The following EXOC1 variants were observed in gnomAD, a reference collection of about 807,000 sequenced individuals.
EXOC1 encodes the protein exocyst complex component 1.
Under a neutral mutation model 107.7 loss-of-function variants are expected in EXOC1, and 67 were observed. That is an observed-to-expected ratio of 0.62 (90% CI 0.51 to 0.76). The LOEUF (loss-of-function observed/expected upper bound fraction) is 0.76, where lower values mean the gene tolerates loss of function less well. EXOC1 is among the 30% of genes least tolerant of loss of function. The pLI is 0.00. For missense variants in EXOC1, 833 were observed against 1,055.7 expected, an observed-to-expected ratio of 0.79 and a Z score of 2.92; for synonymous variants, 348 against 353.5, an observed-to-expected ratio of 0.98 and a Z score of 0.17.
intron 10 of EXOC1, chr4:55,885,577 T>C (rs1723801064): frequency 6.6e-6 from 1 of 152,174 alleles, no homozygotes; most frequent in South Asian, 2.1e-4. Flanking sequence ...TTTGTGACAA[T>C]TGAGTGCATA....
intron 10 of EXOC1, among the ~76,000 whole-genome samples, chr4:55,886,909 A>G (rs1194070778): frequency 6.6e-6 from 1 of 152,166 alleles, no homozygotes; most frequent in Non-Finnish European, 1.5e-5. Context: ...TTTAACATCT[A>G]CTTAGCTGAA....
intron 16 of EXOC1, among the ~76,000 whole-genome samples, chr4:55,897,290 C>G (rs1313580039): frequency 6.6e-6 from 1 of 151,970 alleles, no homozygotes; most frequent in Non-Finnish European, 1.5e-5. Flanking sequence ...CCATGCCCTG[C>G]TAATTTTTTG....
intron 14 of EXOC1, 101 bp from the exon 15 acceptor site, chr4:55,893,451 G>A: frequency 1.0e-6 from 1 of 995,130 alleles, no homozygotes; most frequent in East Asian, 2.5e-5. Context: ...ATTTAATTAT[G>A]GTATTTTTGT....
intron 8 of EXOC1, among the ~76,000 whole-genome samples, chr4:55,874,832 C>T (rs924452041): frequency 2.0e-5 from 3 of 152,026 alleles, no homozygotes; most frequent in South Asian, 2.1e-4. Context: ...GGTCAGTTTA[C>T]ACTAATTAGG....
chr4:55,870,894 G>C lies in EXOC1; in HGVS notation c.820G>C (p.Glu274Gln). ...TAATGTAAAACTCCTATCTGAGATAGAGTTCCTTGTGGTAAGTATGATCAT... is the reference window on the plus strand; with the variant it reads ...TAATGTAAAACTCCTATCTGAGATACAGTTCCTTGTGGTAAGTATGATCAT... ...TNNVKLLSEI[E>Q]FLVNHMDLAK... Residue 274 changes from glutamate to glutamine, a missense_variant, in exon 6 of 19, where the codon GAG becomes CAG. By Grantham distance (29) the Glu-to-Gln change is conservative. This residue lies in a region of EXOC1 where 617 missense variants were observed against 701.3 expected (regional missense o/e 0.88). Transcript: ENST00000381295. The C allele has an allele frequency of 6.2e-7, 1 of 1,613,054 alleles. No individual in the cohort carries two copies. The highest frequency in any genetic ancestry group is 2.2e-5 in the East Asian group (1 of 44,814).
At chr4:55,892,209 A>G (rs1724639263) in intron 13 of EXOC1, among the ~76,000 whole-genome samples, 1 of 152,124 alleles carries the variant, frequency 6.6e-6, no homozygotes, top group African/African-American at 2.4e-5. Flanking sequence ...AGAATTTTTT[A>G]TAGCATTTTT....
Position 55,904,345 on chromosome 4 carries a change from G to C in EXOC1, c.2535G>C (p.Val845=). The C allele has an allele frequency of 6.3e-7, 1 of 1,596,122 alleles. No homozygotes were observed. The highest frequency in any genetic ancestry group is 1.1e-5 in the South Asian group (1 of 87,832). The change falls in exon 19 of 19, where the codon GTG becomes GTC. Residue 845 remains valine (V), a splice_region_variant and synonymous_variant. Transcript: ENST00000381295. ...HLCEEENLLQ[V]VWHSMQDEFI... ...ATGACTTTTTTTTTTAATAATAGGTGGTGTGGCACTCCATGCAAGATGAAT... is the reference window on the plus strand; with the variant it reads ...ATGACTTTTTTTTTTAATAATAGGTCGTGTGGCACTCCATGCAAGATGAAT...
At chr4:55,878,327 C>T (rs1723082918) in intron 9 of EXOC1, among the ~76,000 whole-genome samples, 2 of 152,122 alleles carry the variant, frequency 1.3e-5, no homozygotes. Flanking sequence ...ATGCTTATTT[C>T]CTGAGTTTCT....
chr4:55,866,090 C>T (rs543970613), intron 4 of EXOC1, among the ~76,000 whole-genome samples: 12 of 152,044 alleles, frequency 7.9e-5, no homozygotes, highest in Non-Finnish European at 1.6e-4. Context: ...AAAAAAATGT[C>T]TCTAAGTTTT....
intron 10 of EXOC1, 91 bp downstream of exon 10, chr4:55,884,019 G>A: frequency 2.3e-6 from 2 of 883,540 alleles, no homozygotes; most frequent in South Asian, 3.5e-5. Context: ...CAAGGTGGAG[G>A]TAGATCCAGC....
rs372812327 is a variant in EXOC1, at chr4:55,892,654, A to G, written c.1667A>G (p.Asp556Gly). ...TTGCAGGCTGAAGCAGAGGACCTGGATGGAGGAACATTATCACGGCAACAT... is the reference window on the plus strand; with the variant it reads ...TTGCAGGCTGAAGCAGAGGACCTGGGTGGAGGAACATTATCACGGCAACAT... ...PGTMAEAEDL[D>G]GGTLSRQHNC... Residue 556 changes from aspartate to glycine, a missense_variant, in exon 14 of 19, where the codon GAT becomes GGT. Physicochemically the swap from Asp to Gly is moderately conservative, Grantham distance 94 (BLOSUM62 -1). This residue lies in a region of EXOC1 where 617 missense variants were observed against 701.3 expected (regional missense o/e 0.88). Coordinates refer to ENST00000381295, the MANE Select transcript of EXOC1 (RefSeq NM_001024924.2). 12 of 1,613,990 alleles carry G rather than the reference A, an allele frequency of 7.4e-6. No homozygotes were observed. The highest frequency in any genetic ancestry group is 9.3e-6 in the Non-Finnish European group (11 of 1,180,006).
intron 3 of EXOC1, 39 bp from the exon 4 acceptor site, chr4:55,864,188 G>C (rs1326281067): frequency 7.6e-7 from 1 of 1,307,578 alleles, no homozygotes; most frequent in Admixed American, 2.4e-5. Flanking sequence ...GTAAAAGGAT[G>C]TGATCAAAAA....
intron 1 of EXOC1, among the ~76,000 whole-genome samples, chr4:55,854,495 C>A (rs1720773035): frequency 6.6e-6 from 1 of 152,014 alleles, no homozygotes; most frequent in Admixed American, 6.6e-5. Flanking sequence ...AGAAAAGTAC[C>A]GTAAAGACTG....
At chr4:55,886,563 A>C (rs916755736) in intron 10 of EXOC1, among the ~76,000 whole-genome samples, 1 of 151,644 alleles carries the variant, frequency 6.6e-6, no homozygotes, top group Non-Finnish European at 1.5e-5. Context: ...AAAAAACAAA[A>C]AAACAAAAAA....
chr4:55,878,829 A>C (rs925533527), intron 9 of EXOC1, among the ~76,000 whole-genome samples: 1 of 152,204 alleles, frequency 6.6e-6, no homozygotes, highest in Non-Finnish European at 1.5e-5. Flanking sequence ...GGCAGTGAGA[A>C]ATTATGTTGA....
intron 8 of EXOC1, chr4:55,876,743 A>C (rs943791639): frequency 1.5e-5 from 15 of 985,274 alleles, no homozygotes; most frequent in Non-Finnish European, 1.7e-5. Flanking sequence ...AGATATCAGT[A>C]AGATGAATCT....
At chr4:55,858,858 T>C (rs1436571588) in intron 2 of EXOC1, among the ~76,000 whole-genome samples, 1 of 152,190 alleles carries the variant, frequency 6.6e-6, no homozygotes, top group East Asian at 1.9e-4. Context: ...GTGGCTTGTC[T>C]TTTCACTTTT....
chr4:55,875,415 C>T (rs1488962998), intron 8 of EXOC1: 1 of 980,764 alleles, frequency 1.0e-6, no homozygotes, highest in Non-Finnish European at 1.2e-6. Flanking sequence ...GAAGGAGTTC[C>T]AAATCTTGAA....
chr4:55,864,411 G>A, intron 4 of EXOC1, 25 bp downstream of exon 4: 1 of 1,558,504 alleles, frequency 6.4e-7, no homozygotes, highest in East Asian at 2.3e-5. Flanking sequence ...AAATGTATAT[G>A]TAAAATCAAT....
Sources: allele counts gnomAD v4.1 joint callset (sites outside exome capture counted in the v4.1 genomes callset), GRCh38; gene constraint gnomAD v4.1.1; regional missense constraint gnomAD v4.1.1; transcripts MANE v1.5; gene names NCBI Gene and HGNC (gene_info 2026-07-23, HGNC 2026-07-21).